Variants in TMOD3 observed in about 807,000 individuals in gnomAD.
TMOD3 encodes tropomodulin-3.
A neutral mutation model predicts 39.2 loss-of-function variants in TMOD3; 20 were observed. The ratio of observed to expected loss-of-function variants is 0.51; its 90% CI spans 0.36 to 0.74. TMOD3 has a LOEUF of 0.74. Ranked by LOEUF, TMOD3 falls within the 30% of genes least tolerant of loss-of-function variation. The pLI is 0.00. For missense variants in TMOD3, 381 were observed against 412.8 expected, an observed-to-expected ratio of 0.92 and a Z score of 0.67; for synonymous variants, 143 against 145.8, an observed-to-expected ratio of 0.98 and a Z score of 0.14.
intron 1 of TMOD3, among the ~76,000 whole-genome samples, chr15:51,834,213 GT>G (rs201411122): frequency 1.5e-3 from 224 of 151,426 alleles, no homozygotes; most frequent in African/African-American, 4.9e-3. Flanking sequence ...TGTGTTGACA[GT>G]TTTTTTTTAT....
At chr15:51,835,573 T>G (rs1193339350) in intron 1 of TMOD3, among the ~76,000 whole-genome samples, 1 of 152,220 alleles carries the variant, frequency 6.6e-6, no homozygotes, top group East Asian at 1.9e-4. Flanking sequence ...CATCCCAAAG[T>G]GCTGGGATTA....
chr15:51,901,973 C>G lies in TMOD3; in HGVS notation c.961C>G (p.Gln321Glu). Residue 321 changes from glutamine to glutamate, a missense_variant, in exon 9 of 10, where the codon CAG becomes GAG. Transcript: ENST00000308580. ...ENTNILKFGYQFTQQGPRTRA... is the reference protein window; with the variant it reads ...ENTNILKFGYEFTQQGPRTRA... ...TACAAATATCCTTAAATTTGGATAT[C>G]AGTTTACACAGCAGGGACCACGAAC... 1 of 1,614,100 alleles carries G rather than the reference C, an allele frequency of 6.2e-7. No individual in the cohort carries two copies. The highest frequency in any genetic ancestry group is 8.5e-7 in the Non-Finnish European group (1 of 1,180,008).
intron 9 of TMOD3, among the ~76,000 whole-genome samples, 155 bp from the exon 10 acceptor site, chr15:51,908,621 T>C (rs1245790309): frequency 6.6e-6 from 1 of 151,974 alleles, no homozygotes; most frequent in African/African-American, 2.4e-5. Flanking sequence ...TGTTTTTTTT[T>C]TTTTTTTAAT....
intron 5 of TMOD3, among the ~76,000 whole-genome samples, chr15:51,889,725 G>A (rs183235715): frequency 7.0e-4 from 106 of 152,188 alleles, no homozygotes; most frequent in African/African-American, 2.4e-3. Context: ...AATTAGCTGG[G>A]CATGGTGGCA....
Position 51,912,715 on chromosome 15 carries a change from C to T in TMOD3, c.*3905C>T, listed in dbSNP as rs552206322. 1 of 152,148 alleles carries T rather than the reference C, an allele frequency of 6.6e-6. No homozygotes were observed. The highest frequency in any genetic ancestry group is 1.5e-5 in the Non-Finnish European group (1 of 68,044). The allele number at this position is 152,148 out of a possible 1,614,324, so 9.4% of individuals were successfully genotyped here. A position where few individuals can be genotyped will look rare whatever the true frequency, so the allele number is the denominator to read the frequency against. ...CAAATTTACTCATTCTACAGTGTTA[C>T]TGCACTTTGAACGTATTGACCCATG... On this transcript the variant is annotated 3_prime_UTR_variant, in exon 10 of 10. Coordinates refer to ENST00000308580, the MANE Select transcript of TMOD3 (RefSeq NM_014547.5).
intron 1 of TMOD3, among the ~76,000 whole-genome samples, chr15:51,857,187 A>G (rs2056392162): frequency 6.6e-6 from 1 of 152,244 alleles, no homozygotes; most frequent in Non-Finnish European, 1.5e-5. Flanking sequence ...GGCAGATCTA[A>G]AACTGTTGAG....
At chr15:51,853,475 A>T (rs1003655723) in intron 1 of TMOD3, among the ~76,000 whole-genome samples, 1 of 152,224 alleles carries the variant, frequency 6.6e-6, no homozygotes, top group Non-Finnish European at 1.5e-5. Context: ...TGCTGGGATG[A>T]CAGGCGTGAG....
At chr15:51,870,113 A>AT (rs1385879441) in intron 3 of TMOD3, among the ~76,000 whole-genome samples, 1 of 151,980 alleles carries the variant, frequency 6.6e-6, no homozygotes, top group Non-Finnish European at 1.5e-5. Flanking sequence ...TAATTTTTGT[A>AT]TTTTTAGTAG....
chr15:51,891,784 A>G (rs1355339083), intron 5 of TMOD3, among the ~76,000 whole-genome samples: 1 of 152,076 alleles, frequency 6.6e-6, no homozygotes, highest in African/African-American at 2.4e-5. Flanking sequence ...TACCTTGCTG[A>G]ACTTAAGTGA....
At chr15:51,830,096 G>A (rs911714682) in intron 1 of TMOD3, among the ~76,000 whole-genome samples, 1 of 152,036 alleles carries the variant, frequency 6.6e-6, no homozygotes, top group African/African-American at 2.4e-5. Flanking sequence ...TGAATCACCC[G>A]CGGCCCGGGC....
In TMOD3 at chr15:51,829,713, C is replaced by T. The variant is rs2056243491; in HGVS notation, c.-198C>T. ...GTGAGGGAGCTGCTGGCGGGTGGGTCTGGCAACTCTTTGGGAGGCCGACGC... is the reference window on the plus strand; with the variant it reads ...GTGAGGGAGCTGCTGGCGGGTGGGTTTGGCAACTCTTTGGGAGGCCGACGC... On this transcript the variant is annotated 5_prime_UTR_variant, in exon 1 of 10. Coordinates refer to ENST00000308580, the MANE Select transcript of TMOD3 (RefSeq NM_014547.5). 1 of 152,520 alleles carries T rather than the reference C, an allele frequency of 6.6e-6. No individual in the cohort carries two copies. Among genetic ancestry groups the T allele is most frequent in the Non-Finnish European group, 1.5e-5 (1 of 68,274 alleles). The allele number at this position is 152,520 out of a possible 1,614,324, so 9.4% of individuals were successfully genotyped here.
chr15:51,866,489 G>A (rs2056447688), intron 2 of TMOD3, among the ~76,000 whole-genome samples: 1 of 151,834 alleles, frequency 6.6e-6, no homozygotes, highest in African/African-American at 2.4e-5. Flanking sequence ...AGAAAAAAAA[G>A]GCTTTCTAAG....
rs111813783 is a variant in TMOD3, at chr15:51,839,163, C to CTTTTTTTTTTTTTTTTTT, written c.-75+9328_-75+9329insTTTTTTTTTTTTTTTTTT. The stretch of plus-strand genomic sequence containing the variant: ...TGACAGCTAAGAAATAGGTGTATCT[C>CTTTTTTTTTTTTTTTTTT]TCTTTTTTTTTTTTTCCATTTTGTT... On this transcript the variant is annotated intron_variant, in intron 1 of 9. Coordinates refer to ENST00000308580, the MANE Select transcript of TMOD3 (RefSeq NM_014547.5). Among the ~76,000 whole-genome samples the CTTTTTTTTTTTTTTTTTT allele has an allele frequency of 1.3e-4, 14 of 109,772 alleles. 1 individual carries two copies. Among genetic ancestry groups the CTTTTTTTTTTTTTTTTTT allele is most frequent in the South Asian group, 5.7e-4 (2 of 3,486 alleles). The allele number at this position is 109,772 out of a possible 152,430, so 72.0% of individuals were successfully genotyped here. A position where few individuals can be genotyped will look rare whatever the true frequency, so the allele number is the denominator to read the frequency against.
chr15:51,887,011 T>G (rs2593167), intron 3 of TMOD3, among the ~76,000 whole-genome samples: 70,557 of 151,654 alleles, frequency 0.47, 16,621 homozygotes, highest in Admixed American at 0.54. Context: ...CTTAGGTCAG[T>G]AGTTTGAGAC....
intron 3 of TMOD3, among the ~76,000 whole-genome samples, chr15:51,882,440 A>C (rs981488918): frequency 6.6e-6 from 1 of 152,018 alleles, no homozygotes; most frequent in East Asian, 2.0e-4. Context: ...CAGAGGTTGC[A>C]TGGAGCTGAG....
chr15:51,862,321 A>G (rs189293059), intron 1 of TMOD3, among the ~76,000 whole-genome samples: 1 of 152,362 alleles, frequency 6.6e-6, no homozygotes, highest in East Asian at 1.9e-4. Context: ...ATCTTTTCAA[A>G]AGAATATTTT....
At chr15:51,860,603 C>T (rs2056412277) in intron 1 of TMOD3, 1 of 551,628 alleles carries the variant, frequency 1.8e-6, no homozygotes, top group South Asian at 1.4e-5. Flanking sequence ...CAGAGAATAC[C>T]TTGCTAAGTT....
chr15:51,896,170 C>T (rs1595910314), intron 6 of TMOD3, among the ~76,000 whole-genome samples: 1 of 152,002 alleles, frequency 6.6e-6, no homozygotes, highest in Admixed American at 6.5e-5. Flanking sequence ...TTTTTTTAAC[C>T]TAAATGCTAG....
intron 2 of TMOD3, among the ~76,000 whole-genome samples, chr15:51,867,618 T>C (rs1362625235): frequency 4.6e-5 from 7 of 152,202 alleles, no homozygotes; most frequent in African/African-American, 1.7e-4. Flanking sequence ...ATTGCCCATA[T>C]AAGATTACCC....
Sources: allele counts gnomAD v4.1 joint callset (sites outside exome capture counted in the v4.1 genomes callset), GRCh38; gene constraint gnomAD v4.1.1; transcripts MANE v1.5; gene names NCBI Gene and HGNC (gene_info 2026-07-23, HGNC 2026-07-21).